The following NECAB1 variants were observed in gnomAD, a reference collection of about 807,000 sequenced individuals.
The protein encoded by NECAB1 is N-terminal EF-hand calcium binding protein 1.
A neutral mutation model predicts 57.5 loss-of-function variants in NECAB1; 29 were observed. That is an observed-to-expected ratio of 0.50 (90% CI 0.38 to 0.69). The LOEUF (loss-of-function observed/expected upper bound fraction) is 0.69, where lower values mean the gene tolerates loss of function less well. Among genes scored for constraint, NECAB1 ranks in the 30% least tolerant of loss-of-function variants. The pLI is 0.00. For missense variants in NECAB1, 372 were observed against 413.8 expected (o/e 0.90, Z 0.88); for synonymous variants, 142 against 147.7 (o/e 0.96, Z 0.28).
chr8:90,870,538 T>A (rs1808604516), intron 3 of NECAB1, among the ~76,000 whole-genome samples: 1 of 152,246 alleles, frequency 6.6e-6, no homozygotes, highest in African/African-American at 2.4e-5. Context: ...TTAACCAGAA[T>A]GTGTTTCCTT....
intron 1 of NECAB1, among the ~76,000 whole-genome samples, chr8:90,798,937 T>C (rs1208979509): frequency 6.6e-6 from 1 of 152,216 alleles, no homozygotes; most frequent in Non-Finnish European, 1.5e-5. Flanking sequence ...CATTCCCTTT[T>C]CTCTGCAGCA....
At chr8:90,797,408 G>T (rs372015186) in intron 1 of NECAB1, among the ~76,000 whole-genome samples, 2 of 152,216 alleles carry the variant, frequency 1.3e-5, no homozygotes, top group African/African-American at 4.8e-5. Context: ...TTTCCGTGAA[G>T]TTGGCAGAAT....
chr8:90,880,906 CTT>C (rs1808824488), intron 4 of NECAB1, 125 bp from the exon 5 acceptor site: 2 of 647,156 alleles, frequency 3.1e-6, no homozygotes, highest in Admixed American at 6.4e-5. Flanking sequence ...ATTTGGAAAC[CTT>C]CCAGTTTTCA....
At chr8:90,894,027 C>T (rs1402279360) in intron 5 of NECAB1, among the ~76,000 whole-genome samples, 4 of 152,044 alleles carry the variant, frequency 2.6e-5, no homozygotes, top group African/African-American at 4.8e-5. Flanking sequence ...ACATGATAGG[C>T]ATAGGTGAGT....
chr8:90,806,942 G>A (rs1811856114), intron 2 of NECAB1, among the ~76,000 whole-genome samples: 1 of 152,150 alleles, frequency 6.6e-6, no homozygotes, highest in Non-Finnish European at 1.5e-5. Context: ...GTTAACAGTA[G>A]CACCAGATTA....
chr8:90,810,944 C>CT (rs1383446172), intron 2 of NECAB1, among the ~76,000 whole-genome samples: 148 of 143,978 alleles, frequency 1.0e-3, no homozygotes, highest in Middle Eastern at 3.7e-3. Flanking sequence ...TTTTTCTTTT[C>CT]TTTTTTTTTT....
At chr8:90,922,625 T>A (rs1243009114) in intron 6 of NECAB1, among the ~76,000 whole-genome samples, 1 of 151,302 alleles carries the variant, frequency 6.6e-6, no homozygotes, top group East Asian at 2.0e-4. Context: ...CCCAAGTAGC[T>A]GGGATTACAG....
At chr8:90,938,660 A>G (rs996626871) in intron 9 of NECAB1, among the ~76,000 whole-genome samples, 5 of 152,216 alleles carry the variant, frequency 3.3e-5, no homozygotes. Context: ...TTCTTTGTGT[A>G]ACTATCTTAG....
chr8:90,804,516 A>G (rs951660285), intron 2 of NECAB1, among the ~76,000 whole-genome samples: 1 of 152,178 alleles, frequency 6.6e-6, no homozygotes, highest in African/African-American at 2.4e-5. Flanking sequence ...AATTTCTTCT[A>G]ATGTTCTCAT....
At chr8:90,811,764 G>A (rs776782518) in intron 2 of NECAB1, among the ~76,000 whole-genome samples, 25 of 152,104 alleles carry the variant, frequency 1.6e-4, no homozygotes, top group Non-Finnish European at 3.1e-4. Context: ...AAGGTGGTGA[G>A]ATAGTACCTA....
intron 5 of NECAB1, among the ~76,000 whole-genome samples, chr8:90,908,397 A>C (rs2130071173): frequency 6.6e-6 from 1 of 152,294 alleles, no homozygotes; most frequent in Middle Eastern, 3.4e-3. Flanking sequence ...CTTCATACTT[A>C]AAAACGTAAC....
At chr8:90,887,618 C>T (rs374040897) in intron 5 of NECAB1, among the ~76,000 whole-genome samples, 61 of 152,026 alleles carry the variant, frequency 4.0e-4, no homozygotes, top group African/African-American at 1.4e-3. Context: ...AAAACATCAG[C>T]GAGAAGGTGA....
chr8:90,934,114 T>C (rs1335361476), intron 8 of NECAB1, among the ~76,000 whole-genome samples, 190 bp from the exon 9 acceptor site: 1 of 152,140 alleles, frequency 6.6e-6, no homozygotes, highest in Non-Finnish European at 1.5e-5. Context: ...TTCTTACAAT[T>C]GATAAATAAG....
intron 2 of NECAB1, among the ~76,000 whole-genome samples, chr8:90,821,975 T>G (rs1812151171): frequency 6.6e-6 from 1 of 151,838 alleles, no homozygotes; most frequent in Admixed American, 6.6e-5. Context: ...TTATTGGAAT[T>G]TGGAACATAA....
chr8:90,848,717 G>C (rs920999619), intron 3 of NECAB1, among the ~76,000 whole-genome samples: 7 of 152,180 alleles, frequency 4.6e-5, no homozygotes, highest in African/African-American at 1.7e-4. Context: ...AAGTGCAATG[G>C]CTCATGTCTG....
chr8:90,935,539 T>C (rs893156185), intron 9 of NECAB1, among the ~76,000 whole-genome samples: 1 of 152,090 alleles, frequency 6.6e-6, no homozygotes, highest in African/African-American at 2.4e-5. Context: ...GAATAGCGGA[T>C]TTGTGCAGTC....
At chr8:90,874,754 A>G (rs1808683474) in intron 4 of NECAB1, among the ~76,000 whole-genome samples, 1 of 152,210 alleles carries the variant, frequency 6.6e-6, no homozygotes, top group African/African-American at 2.4e-5. Context: ...TGGGAAAAAC[A>G]GGATTGAAAT....
chr8:90,870,133 C>A (rs1364469619), intron 3 of NECAB1, among the ~76,000 whole-genome samples: 1 of 152,144 alleles, frequency 6.6e-6, no homozygotes, highest in East Asian at 1.9e-4. Context: ...TTGCCTTCTG[C>A]CACGATTGTA....
intron 3 of NECAB1, among the ~76,000 whole-genome samples, chr8:90,866,982 G>T (rs184137952): frequency 6.6e-6 from 1 of 152,136 alleles, no homozygotes; most frequent in African/African-American, 2.4e-5. Flanking sequence ...GTTCACAATA[G>T]CAAAGACTTG....
Sources: allele counts gnomAD v4.1 joint callset (sites outside exome capture counted in the v4.1 genomes callset), GRCh38; gene constraint gnomAD v4.1.1; transcripts MANE v1.5; gene names NCBI Gene and HGNC (gene_info 2026-07-23, HGNC 2026-07-21).